Variants in CCDC149 observed in about 807,000 individuals in gnomAD.
CCDC149 encodes coiled-coil domain-containing protein 149.
CCDC149 carries 45 observed loss-of-function variants against 59.9 expected under a neutral mutation model. That is an observed-to-expected ratio of 0.75 (90% CI 0.59 to 0.96). The LOEUF is 0.96. Among genes scored for constraint, CCDC149 ranks in the 40% least tolerant of loss-of-function variants. The pLI, the probability that CCDC149 is intolerant of heterozygous loss-of-function variation, is 0.00. For synonymous variants in CCDC149, 245 were observed against 260.6 expected (o/e 0.94, Z 0.58); for missense variants, 584 against 664.7 (o/e 0.88, Z 1.33).
At chr4:24,958,417 ATTGG>A (rs1256627912) in intron 1 of CCDC149, among the ~76,000 whole-genome samples, 5 of 152,200 alleles carry the variant, frequency 3.3e-5, no homozygotes, top group African/African-American at 1.2e-4. Context: ...GATTGCTAAC[ATTGG>A]GATCCTACAT....
chr4:24,934,850 C>T (rs56349958), intron 1 of CCDC149, among the ~76,000 whole-genome samples: 63,226 of 152,060 alleles, frequency 0.42, 15,446 homozygotes, highest in Non-Finnish European at 0.54. Flanking sequence ...TGAAGAAAGT[C>T]GACTGAGAAT....
chr4:24,960,390 G>A (rs1312982611), intron 1 of CCDC149, among the ~76,000 whole-genome samples: 2 of 152,058 alleles, frequency 1.3e-5, no homozygotes, highest in African/African-American at 4.8e-5. Flanking sequence ...CAGTCCCAAA[G>A]AAGACAGAAA....
chr4:24,922,935 T>C (rs1722338399), intron 1 of CCDC149, among the ~76,000 whole-genome samples: 1 of 152,170 alleles, frequency 6.6e-6, no homozygotes, highest in Non-Finnish European at 1.5e-5. Context: ...TTTTATTGAT[T>C]TTCCATTTTT....
chr4:24,976,137 G>C (rs550855343), intron 1 of CCDC149, among the ~76,000 whole-genome samples: 2 of 152,232 alleles, frequency 1.3e-5, no homozygotes, highest in Admixed American at 1.3e-4. Flanking sequence ...TCAGTTATTT[G>C]AGCCAATAAT....
chr4:24,893,613 C>CTGTTTTTTTTTTTTTTTTTTTTTTTTT, intron 1 of CCDC149, among the ~76,000 whole-genome samples: 1 of 65,878 alleles, frequency 1.5e-5, no homozygotes, highest in South Asian at 9.5e-4. Flanking sequence ...AAAATACAGA[C>CTGTTTTTTTTTTTTTTTTTTTTTTTTT]TTTTTTTTTT....
In CCDC149 at chr4:24,847,486, G is replaced by A. The variant is rs77956798; in HGVS notation, c.372+5586C>T. On this transcript the variant is annotated intron_variant, in intron 4 of 12. Transcript: ENST00000635206. ...CCCCAACTAGAATATCAGTACCATG[G>A]GAGCTAGTACCCTGTCTTTCTTATC... Among the ~76,000 whole-genome samples the A allele has an allele frequency of 1.5e-4, 23 of 152,212 alleles. 1 individual carries two copies. The East Asian group carries it at 4.2e-3, about 28-fold the overall frequency.
chr4:24,968,244 G>A (rs935030750), intron 1 of CCDC149, among the ~76,000 whole-genome samples: 4 of 152,212 alleles, frequency 2.6e-5, no homozygotes, highest in African/African-American at 9.6e-5. Context: ...TCCCAACTAT[G>A]GAAGGGAGCT....
chr4:24,814,933 T>C (rs1047165962), intron 12 of CCDC149, among the ~76,000 whole-genome samples: 4 of 152,344 alleles, frequency 2.6e-5, no homozygotes, highest in African/African-American at 7.2e-5. Context: ...CTCTTGTATG[T>C]CCCAGGGATG....
chr4:24,951,290 T>C (rs1459300016), intron 1 of CCDC149, among the ~76,000 whole-genome samples: 1 of 152,204 alleles, frequency 6.6e-6, no homozygotes, highest in African/African-American at 2.4e-5. Context: ...TCCCCTCTCA[T>C]TTTTGGAAGC....
chr4:24,813,489 A>AATATATCTATATATATATATATATATAT (rs1186488610), intron 12 of CCDC149, among the ~76,000 whole-genome samples: 2 of 113,734 alleles, frequency 1.8e-5, no homozygotes, highest in South Asian at 2.9e-4. Context: ...CAGCTTGGGG[A>AATATATCTATATATATATATATATATAT]ATATATATAT....
intron 1 of CCDC149, among the ~76,000 whole-genome samples, chr4:24,948,781 A>C (rs1723194004): frequency 6.6e-6 from 1 of 152,080 alleles, no homozygotes; most frequent in East Asian, 1.9e-4. Context: ...CCCACATATT[A>C]TGGGAGGGAC....
At chr4:24,937,209 A>T (rs145111083) in intron 1 of CCDC149, among the ~76,000 whole-genome samples, 195 of 152,310 alleles carry the variant, frequency 1.3e-3, no homozygotes, top group African/African-American at 4.5e-3. Context: ...TGGGAAAGAG[A>T]CAGGAATAAA....
chr4:24,963,051 C>T (rs908448758), intron 1 of CCDC149, among the ~76,000 whole-genome samples: 2 of 151,798 alleles, frequency 1.3e-5, no homozygotes, highest in African/African-American at 4.8e-5. Flanking sequence ...GGACTAACAC[C>T]TGAAAACCTT....
At chr4:24,873,553 C>A (rs1214202639) in intron 3 of CCDC149, 128 bp downstream of exon 3, 2 of 722,756 alleles carry the variant, frequency 2.8e-6, no homozygotes, top group Non-Finnish European at 2.4e-6. Context: ...GAATCTCTAC[C>A]TACTCCTCCC....
At chr4:24,915,237 C>T (rs1722092791), upstream of CCDC149, among the ~76,000 whole-genome samples, 1 of 152,200 alleles carries the variant, frequency 6.6e-6, no homozygotes, top group Non-Finnish European at 1.5e-5. Flanking sequence ...TACTGTCTGC[C>T]AATATATTGC....
intron 10 of CCDC149, among the ~76,000 whole-genome samples, chr4:24,821,599 C>A (rs1237749156): frequency 2.0e-5 from 3 of 152,202 alleles, no homozygotes; most frequent in African/African-American, 2.4e-5. Context: ...TGTCCACCTG[C>A]CTCACTGTGC....
intron 1 of CCDC149, among the ~76,000 whole-genome samples, chr4:24,878,303 T>G (rs1443442545): frequency 1.3e-5 from 2 of 151,896 alleles, no homozygotes; most frequent in Non-Finnish European, 2.9e-5. Flanking sequence ...GGATTTGAGT[T>G]CTAAAAAAGG....
chr4:24,869,849 T>A (rs1718928684), intron 3 of CCDC149, among the ~76,000 whole-genome samples: 2 of 152,326 alleles, frequency 1.3e-5, no homozygotes, highest in Admixed American at 1.3e-4. Context: ...TTAGTGGACA[T>A]CACTGCTAAC....
At position 24,860,534 on chromosome 4, in the gene CCDC149, G is replaced by A. The variant is rs186348591; in HGVS notation, c.265-7355C>T. On this transcript the variant is annotated intron_variant, in intron 3 of 12. Coordinates refer to ENST00000635206, the MANE Select transcript of CCDC149 (RefSeq NM_001330643.2). The stretch of plus-strand genomic sequence containing the variant: ...AAAACCCTTCTAGACATTGGCTTAG[G>A]CAAATACATCATGACCAGGAATACA... Among the ~76,000 whole-genome samples the A allele has an allele frequency of 8.0e-4, 121 of 152,172 alleles. 1 individual carries two copies. The highest frequency in any genetic ancestry group is 2.8e-3 in the African/African-American group (118 of 41,514).
Sources: allele counts gnomAD v4.1 joint callset (sites outside exome capture counted in the v4.1 genomes callset), GRCh38; gene constraint gnomAD v4.1.1; transcripts MANE v1.5; gene names NCBI Gene and HGNC (gene_info 2026-07-23, HGNC 2026-07-21).